Variants in AGAP1 observed in about 807,000 individuals in gnomAD.
AGAP1 encodes arf-GAP with GTPase, ANK repeat and PH domain-containing protein 1.
In AGAP1, 29 loss-of-function variants were observed where a neutral mutation model predicts 105.3. The ratio of observed to expected loss-of-function variants is 0.28; its 90% CI spans 0.21 to 0.38. The LOEUF is 0.38. Among genes scored for constraint, AGAP1 ranks in the 10% least tolerant of loss-of-function variants. AGAP1 has a pLI of 1.00. For synonymous variants in AGAP1, 509 were observed against 485.9 expected (o/e 1.05, Z -0.63); for missense variants, 998 against 1,165.1 (o/e 0.86, Z 2.09).
intron 6 of AGAP1, among the ~76,000 whole-genome samples, chr2:235,781,351 A>G (rs979067423): frequency 3.3e-5 from 5 of 152,216 alleles, no homozygotes; most frequent in Non-Finnish European, 7.3e-5. Context: ...CTGGAAATGG[A>G]CGTTTGAAGG....
At position 236,126,827 on chromosome 2, in the gene AGAP1, G is replaced by A. The variant is rs1451960537; in HGVS notation, c.*2705G>A. 1 of 152,236 alleles carries A rather than the reference G, an allele frequency of 6.6e-6. No homozygotes were observed. Among genetic ancestry groups the A allele is most frequent in the Non-Finnish European group, 1.5e-5 (1 of 68,046 alleles). 9.4% of individuals were successfully genotyped at this position (152,236 alleles called of 1,614,324 possible). A position where few individuals can be genotyped will look rare whatever the true frequency, so the allele number is the denominator to read the frequency against. On this transcript the variant is annotated 3_prime_UTR_variant, in exon 18 of 18. Transcript: ENST00000304032. ...GTTGGCAGTCTGTTTGTATTTCAGT[G>A]TCTAACCAGAAGTCCTTTCTTTGCG...
At chr2:235,798,795 G>A (rs1279348643) in intron 7 of AGAP1, among the ~76,000 whole-genome samples, 1 of 148,650 alleles carries the variant, frequency 6.7e-6, no homozygotes, top group African/African-American at 2.5e-5. Context: ...CCTCTGCCCA[G>A]CAGAAGAGCT....
At chr2:236,098,144 G>A (rs990267002) in intron 16 of AGAP1, among the ~76,000 whole-genome samples, 3 of 152,102 alleles carry the variant, frequency 2.0e-5, no homozygotes, top group Admixed American at 6.5e-5. Flanking sequence ...TGCTGTGAAC[G>A]TGGACATACA....
chr2:236,043,802 G>A (rs533362148), intron 15 of AGAP1, among the ~76,000 whole-genome samples: 29 of 152,040 alleles, frequency 1.9e-4, no homozygotes, highest in Non-Finnish European at 2.8e-4. Flanking sequence ...AAAGGGGTAT[G>A]ACAATGAGTC....
At chr2:235,603,405 G>C (rs1201252592) in intron 1 of AGAP1, among the ~76,000 whole-genome samples, 1 of 152,138 alleles carries the variant, frequency 6.6e-6, no homozygotes, top group Non-Finnish European at 1.5e-5. Flanking sequence ...TTGTTTTCTT[G>C]TCTGTGCACC....
intron 16 of AGAP1, among the ~76,000 whole-genome samples, chr2:236,107,489 T>G (rs191463321): frequency 6.6e-6 from 1 of 152,270 alleles, no homozygotes; most frequent in Admixed American, 6.5e-5. Flanking sequence ...AAGAATGAGG[T>G]TGCATATGCA....
chr2:235,928,995 T>C (rs2052588412), intron 11 of AGAP1, among the ~76,000 whole-genome samples: 1 of 152,148 alleles, frequency 6.6e-6, no homozygotes, highest in African/African-American at 2.4e-5. Flanking sequence ...ACGCTGTGTG[T>C]TTCTAGGGCG....
At chr2:235,575,591 C>T (rs560446764) in intron 1 of AGAP1, among the ~76,000 whole-genome samples, 2 of 152,316 alleles carry the variant, frequency 1.3e-5, no homozygotes, top group South Asian at 4.1e-4. Flanking sequence ...GCTGTGCTCA[C>T]GGGTGGCCAG....
chr2:235,536,048 C>T (rs1041007376), intron 1 of AGAP1, among the ~76,000 whole-genome samples: 1 of 151,888 alleles, frequency 6.6e-6, no homozygotes, highest in Non-Finnish European at 1.5e-5. Context: ...CCTCTAGACC[C>T]CTGAGGAGAT....
intron 1 of AGAP1, among the ~76,000 whole-genome samples, chr2:235,703,202 A>G (rs1207101488): frequency 6.6e-6 from 1 of 152,034 alleles, no homozygotes; most frequent in Non-Finnish European, 1.5e-5. Context: ...TGCTGGGATT[A>G]CAGGCGTGAG....
intron 9 of AGAP1, among the ~76,000 whole-genome samples, chr2:235,859,163 G>A (rs868769359): frequency 3.9e-5 from 6 of 152,124 alleles, no homozygotes; most frequent in Middle Eastern, 6.8e-3. Flanking sequence ...TAAAATTAAA[G>A]CCAGCATCAA....
chr2:235,870,379 C>G (rs1367922052), intron 9 of AGAP1, among the ~76,000 whole-genome samples: 5 of 152,208 alleles, frequency 3.3e-5, no homozygotes, highest in Non-Finnish European at 5.9e-5. Flanking sequence ...GTAATCCCAG[C>G]ACTTTGGGAG....
intron 12 of AGAP1, among the ~76,000 whole-genome samples, chr2:235,947,058 G>A (rs1171113547): frequency 1.3e-5 from 2 of 152,096 alleles, no homozygotes; most frequent in African/African-American, 2.4e-5. Context: ...TGGTTGAAAT[G>A]TGATTCCTTT....
chr2:235,592,282 G>T (rs1409316648), intron 1 of AGAP1, among the ~76,000 whole-genome samples: 1 of 151,664 alleles, frequency 6.6e-6, no homozygotes, highest in African/African-American at 2.4e-5. Flanking sequence ...CGCGCCAGAA[G>T]GAGGAGTAGA....
chr2:235,840,029 G>A (rs976428820), intron 9 of AGAP1, among the ~76,000 whole-genome samples: 5 of 152,350 alleles, frequency 3.3e-5, no homozygotes, highest in Admixed American at 1.3e-4. Flanking sequence ...ATCTAAGAGT[G>A]TATTAGCTGT....
In AGAP1 at chr2:235,836,397, C is replaced by T. The variant is rs1241073544; in HGVS notation, c.1050+29066C>T. On this transcript the variant is annotated intron_variant, in intron 9 of 17. Transcript: ENST00000304032. ...CCTTTGGGGGCCGATAGAGGAGAAA[C>T]ACCAACAAGTGGTCCTGTAGGAAAT... 2.0e-5 allele frequency among the ~76,000 whole-genome samples: 3 copies of T among 152,300 alleles called. No individual in the cohort carries two copies. The South Asian group carries it at 6.2e-4, about 32-fold the overall frequency.
rs1286299063 is a variant in AGAP1, at chr2:235,904,494, G to A, written c.1156-4244G>A. Among the ~76,000 whole-genome samples, 1 of 152,188 alleles carries A rather than the reference G, an allele frequency of 6.6e-6. No homozygotes were observed. The highest frequency in any genetic ancestry group is 1.5e-5 in the Non-Finnish European group (1 of 68,040). On this transcript the variant is annotated intron_variant, in intron 10 of 17. Coordinates refer to ENST00000304032, the MANE Select transcript of AGAP1 (RefSeq NM_001037131.3). This position sits in a 1 kb window ranked among gnomAD's most constrained non-coding sequence, Gnocchi z 4.2. Reference sequence around the variant, plus strand: ...GGGCCCCAGGGACTTGTTAAGTGCTGTTTAAAAGTACTTGGCTTTGAATTA... The same window carrying A: ...GGGCCCCAGGGACTTGTTAAGTGCTATTTAAAAGTACTTGGCTTTGAATTA...
At chr2:235,941,518 AG>A (rs2053256612) in intron 12 of AGAP1, among the ~76,000 whole-genome samples, 1 of 152,174 alleles carries the variant, frequency 6.6e-6, no homozygotes, top group Non-Finnish European at 1.5e-5. Flanking sequence ...GGTGGTGAAA[AG>A]TAAAATGAGG....
chr2:235,789,440 A>G lies in AGAP1; in HGVS notation c.674-8319A>G, dbSNP rs1354493745. On this transcript the variant is annotated intron_variant, in intron 6 of 17. Coordinates refer to ENST00000304032, the MANE Select transcript of AGAP1 (RefSeq NM_001037131.3). This position sits in a 1 kb window ranked among gnomAD's most constrained non-coding sequence, Gnocchi z 4.2. ...TTAACAACCCTAATAGGTAATTGCG[A>G]CATAAATGAAGATAAATTTGTTTTA... Among the ~76,000 whole-genome samples, 1 of 152,250 alleles carries G rather than the reference A, an allele frequency of 6.6e-6. No homozygotes were observed. Among genetic ancestry groups the G allele is most frequent in the African/African-American group, 2.4e-5 (1 of 41,460 alleles).
Sources: allele counts gnomAD v4.1 joint callset (sites outside exome capture counted in the v4.1 genomes callset), GRCh38; gene constraint gnomAD v4.1.1; non-coding constraint Gnocchi (gnomAD v3.1); transcripts MANE v1.5; gene names NCBI Gene and HGNC (gene_info 2026-07-23, HGNC 2026-07-21).